The following RXRA variants were observed in gnomAD, a reference collection of about 807,000 sequenced individuals.
The protein encoded by RXRA is retinoic acid receptor RXR-alpha.
Under a neutral mutation model 44.5 loss-of-function variants are expected in RXRA, and 5 were observed. The observed-to-expected ratio is 0.11, with a 90% CI of 0.06 to 0.24. The LOEUF (loss-of-function observed/expected upper bound fraction) is 0.24. Ranked by LOEUF, RXRA falls within the 10% of genes least tolerant of loss-of-function variation. The probability of loss-of-function intolerance (pLI) is 1.00; values close to 1 mark genes in which losing one functional copy is unlikely to be tolerated. For synonymous variants in RXRA, 291 were observed against 271.4 expected, an observed-to-expected ratio of 1.07 and a Z score of -0.71; for missense variants, 412 against 646.5, an observed-to-expected ratio of 0.64 and a Z score of 3.93.
At chr9:134,434,480 GC>G (rs1382171237) in intron 9 of RXRA, among the ~76,000 whole-genome samples, 1 of 152,152 alleles carries the variant, frequency 6.6e-6, no homozygotes, top group Non-Finnish European at 1.5e-5. Flanking sequence ...ATAGATGAAG[GC>G]TGTGCTTCAC....
At chr9:134,423,943 C>G (rs938735086) in intron 6 of RXRA, 189 of 985,336 alleles carry the variant, frequency 1.9e-4, no homozygotes, top group Non-Finnish European at 2.2e-4. Context: ...CCTGGGGATC[C>G]CAGATGGTTG....
chr9:134,377,756 G>C (rs1271630025), intron 1 of RXRA, among the ~76,000 whole-genome samples: 1 of 152,220 alleles, frequency 6.6e-6, no homozygotes, highest in Non-Finnish European at 1.5e-5. Flanking sequence ...CACCGTCTGT[G>C]TGTGCGTTTT....
At chr9:134,339,110 C>A (rs532242090) in intron 1 of RXRA, among the ~76,000 whole-genome samples, 2 of 135,872 alleles carry the variant, frequency 1.5e-5, no homozygotes, top group Non-Finnish European at 3.2e-5. Flanking sequence ...GGTCACCCCC[C>A]CTGGGGTTGG....
chr9:134,427,180 AAAAAG>A, intron 6 of RXRA: 5 of 983,422 alleles, frequency 5.1e-6, no homozygotes, highest in Non-Finnish European at 6.0e-6. Flanking sequence ...CAAAAAAAAA[AAAAAG>A]AGGGTTCTGT....
intron 4 of RXRA, among the ~76,000 whole-genome samples, chr9:134,409,484 C>G (rs1831113026): frequency 6.6e-6 from 1 of 152,252 alleles, no homozygotes; most frequent in Non-Finnish European, 1.5e-5. Context: ...CTGTGGCACC[C>G]CGCAGGGCCG....
At position 134,365,580 on chromosome 9, in the gene RXRA, G is replaced by C. The variant is rs566412762; in HGVS notation, c.29-36052G>C. 1.3e-5 allele frequency among the ~76,000 whole-genome samples: 2 copies of C among 152,306 alleles called. No homozygotes were observed. The highest frequency in any genetic ancestry group is 4.1e-4 in the South Asian group (2 of 4,824). On this transcript the variant is annotated intron_variant, in intron 1 of 9. Coordinates refer to ENST00000481739, the MANE Select transcript of RXRA (RefSeq NM_002957.6). The surrounding 1 kb of genome is among the most constrained non-coding windows in gnomAD (Gnocchi z 4.0). ...GGGCCTGGGTGGTAGGGGGTGATCT[G>C]CTTGTCCAGTGGTTTCTGTGGCTTT... is the stretch of plus-strand genomic sequence containing the variant.
chr9:134,377,879 C>A (rs915270978), intron 1 of RXRA, among the ~76,000 whole-genome samples: 1 of 152,222 alleles, frequency 6.6e-6, no homozygotes, highest in African/African-American at 2.4e-5. Context: ...GTTGCGTGAG[C>A]TGATGGGGTG....
chr9:134,422,704 T>A, intron 6 of RXRA: 2 of 985,386 alleles, frequency 2.0e-6, no homozygotes, highest in Non-Finnish European at 2.4e-6. Context: ...TGGGACCTCC[T>A]ATGTACTCTA....
intron 1 of RXRA, among the ~76,000 whole-genome samples, chr9:134,399,793 G>A (rs756439920): frequency 9.9e-5 from 15 of 152,256 alleles, no homozygotes; most frequent in Non-Finnish European, 1.9e-4. Flanking sequence ...CCCCGACTGC[G>A]ATGGGGCACT....
At chr9:134,427,178 A>C (rs1831448500) in intron 6 of RXRA, 6 of 984,588 alleles carry the variant, frequency 6.1e-6, no homozygotes, top group South Asian at 9.4e-5. Context: ...AACAAAAAAA[A>C]AAAAAAGAGG....
intron 1 of RXRA, among the ~76,000 whole-genome samples, chr9:134,367,570 C>T (rs1264817613): frequency 2.6e-5 from 4 of 152,258 alleles, no homozygotes; most frequent in East Asian, 1.9e-4. Flanking sequence ...GTGAAACCCC[C>T]GGCTCCTGGC....
In RXRA at chr9:134,326,612, G is replaced by A. The variant is rs1834914389; in HGVS notation, c.-20G>A. ...CGCCCGCTGCCTGCGCCGCCGGCCG[G>A]GCATGAGTTAGTCGCAGACATGGAC... On this transcript the variant is annotated 5_prime_UTR_variant, in exon 1 of 10. Transcript: ENST00000481739. The A allele has an allele frequency of 2.1e-6, 2 of 960,926 alleles. No individual in the cohort carries two copies. The highest frequency in any genetic ancestry group is 1.8e-5 in the African/African-American group (1 of 55,220). The allele number at this position is 960,926 out of a possible 1,614,324, so 59.5% of individuals were successfully genotyped here. A position where few individuals can be genotyped will look rare whatever the true frequency, so the allele number is the denominator to read the frequency against.
chr9:134,332,979 C>G (rs764644095), intron 1 of RXRA, among the ~76,000 whole-genome samples: 1 of 152,144 alleles, frequency 6.6e-6, no homozygotes, highest in Admixed American at 6.5e-5. Flanking sequence ...TTCCCGGGCA[C>G]GGGTATGGGT....
Position 134,369,980 on chromosome 9 carries a change from G to A in RXRA, c.29-31652G>A, listed in dbSNP as rs896165522. 2.0e-5 allele frequency among the ~76,000 whole-genome samples: 3 copies of A among 152,140 alleles called. No individual in the cohort carries two copies. In the East Asian group the frequency reaches 5.8e-4, roughly 29 times the overall value. On this transcript the variant is annotated intron_variant, in intron 1 of 9. Transcript: ENST00000481739. Reference sequence around the variant, plus strand: ...TCCTGCCCAGTGGGATGAGCAGGGTGTACTCAGAGCCTCGGTGCACCGAGG... The same window carrying A: ...TCCTGCCCAGTGGGATGAGCAGGGTATACTCAGAGCCTCGGTGCACCGAGG...
At chr9:134,357,523 C>T (rs1194923400) in intron 1 of RXRA, among the ~76,000 whole-genome samples, 8 of 151,992 alleles carry the variant, frequency 5.3e-5, no homozygotes, top group East Asian at 1.9e-4. Context: ...GTCCACGCCA[C>T]GAGCACAGTG....
intron 4 of RXRA, among the ~76,000 whole-genome samples, chr9:134,414,827 G>T (rs1371912139): frequency 6.6e-6 from 1 of 152,182 alleles, no homozygotes; most frequent in African/African-American, 2.4e-5. Context: ...GGGGCTTCCT[G>T]CCCCGGGGGC....
chr9:134,387,528 A>G (rs1163395748), intron 1 of RXRA, among the ~76,000 whole-genome samples: 2 of 152,262 alleles, frequency 1.3e-5, no homozygotes, highest in Non-Finnish European at 2.9e-5. Flanking sequence ...CTTCCTCAGC[A>G]CTGCGTGGGC....
intron 1 of RXRA, among the ~76,000 whole-genome samples, chr9:134,360,309 A>G (rs1399626969): frequency 6.6e-6 from 1 of 152,176 alleles, no homozygotes; most frequent in East Asian, 1.9e-4. Context: ...GCGGCAGGGC[A>G]GAGCGAGCAG....
chr9:134,395,409 G>A (rs929474429), intron 1 of RXRA, among the ~76,000 whole-genome samples: 26 of 152,250 alleles, frequency 1.7e-4, no homozygotes, highest in African/African-American at 6.3e-4. Context: ...ATCTCTGCAT[G>A]TGTCACGGAA....
Sources: gnomAD v4.1 joint callset for allele counts (sites outside exome capture counted in the v4.1 genomes callset) on GRCh38, gnomAD v4.1.1 for gene constraint, Gnocchi (gnomAD v3.1) non-coding constraint, MANE v1.5 for transcripts, NCBI Gene and HGNC (gene_info 2026-07-23, HGNC 2026-07-21) for gene names.